The following RUNX2 variants were observed in gnomAD, a reference collection of about 807,000 sequenced individuals.
RUNX2 encodes RUNX family transcription factor 2, also known as runt-related transcription factor 2.
In RUNX2, 10 loss-of-function variants were observed where a neutral mutation model predicts 51.7. The observed-to-expected ratio is 0.19, with a 90% CI of 0.12 to 0.33. The LOEUF is 0.33. RUNX2 is among the 10% of genes least tolerant of loss of function. The pLI, the probability that RUNX2 is intolerant of heterozygous loss-of-function variation, is 1.00. For missense variants in RUNX2, 562 were observed against 691.3 expected (o/e 0.81, Z 2.10); for synonymous variants, 276 against 273.6 (o/e 1.01, Z -0.09).
At chr6:45,330,714 T>G (rs933500075) in intron 2 of RUNX2, among the ~76,000 whole-genome samples, 6 of 151,854 alleles carry the variant, frequency 4.0e-5, no homozygotes, top group African/African-American at 1.5e-4. Flanking sequence ...GGCATGGTAG[T>G]GAACCTTTTT....
chr6:45,452,864 T>C (rs1799213709), intron 5 of RUNX2, among the ~76,000 whole-genome samples: 1 of 152,170 alleles, frequency 6.6e-6, no homozygotes, highest in South Asian at 2.1e-4. Flanking sequence ...AAGCCTATTT[T>C]TCTTTCCTCC....
chr6:45,435,400 C>G (rs935982585), intron 4 of RUNX2, among the ~76,000 whole-genome samples: 1 of 152,200 alleles, frequency 6.6e-6, no homozygotes, highest in Non-Finnish European at 1.5e-5. Context: ...CTCTGCCACC[C>G]AGGCTGGAGT....
intron 2 of RUNX2, among the ~76,000 whole-genome samples, chr6:45,332,179 A>C (rs1006447089): frequency 3.9e-5 from 6 of 151,902 alleles, no homozygotes; most frequent in African/African-American, 1.4e-4. Context: ...ACTGAGGCTG[A>C]GTTAAGACAT....
chr6:45,352,028 T>C (rs1792161163), intron 2 of RUNX2, among the ~76,000 whole-genome samples: 1 of 152,194 alleles, frequency 6.6e-6, no homozygotes, highest in South Asian at 2.1e-4. Flanking sequence ...CCTCAAATCT[T>C]TGCCATCCCA....
intron 5 of RUNX2, among the ~76,000 whole-genome samples, chr6:45,478,356 A>G (rs893698053): frequency 2.0e-5 from 3 of 151,942 alleles, no homozygotes; most frequent in African/African-American, 2.4e-5. Flanking sequence ...GGACATTTTC[A>G]CCTCTTATTA....
intron 5 of RUNX2, among the ~76,000 whole-genome samples, chr6:45,484,687 C>T (rs1367885171): frequency 6.6e-6 from 1 of 152,120 alleles, no homozygotes; most frequent in Non-Finnish European, 1.5e-5. Context: ...GACTGAACTC[C>T]CTAAGATACA....
chr6:45,390,828 A>G (rs11966930), intron 2 of RUNX2, among the ~76,000 whole-genome samples: 5 of 152,342 alleles, frequency 3.3e-5, no homozygotes, highest in African/African-American at 1.2e-4. Flanking sequence ...CTCCCTAAAA[A>G]GATTGGGTTT....
At chr6:45,525,648 G>T (rs1179755932) in intron 7 of RUNX2, among the ~76,000 whole-genome samples, 1 of 152,112 alleles carries the variant, frequency 6.6e-6, no homozygotes, top group Non-Finnish European at 1.5e-5. Flanking sequence ...CTAAATTAAG[G>T]CCTGAAAGGG....
chr6:45,350,939 C>T lies in RUNX2; in HGVS notation c.58+22155C>T, dbSNP rs576593573. ...GAACACTACCACCTCAGCTCTACCT[C>T]GTGTCAGATCAGTAGCAGCATTAGA... On this transcript the variant is annotated intron_variant, in intron 2 of 8. Transcript: ENST00000647337. 4.6e-5 allele frequency among the ~76,000 whole-genome samples: 7 copies of T among 152,278 alleles called. No individual in the cohort carries two copies. The South Asian group carries it at 1.5e-3, about 32-fold the overall frequency.
chr6:45,541,523 C>T (rs918697505), intron 7 of RUNX2, among the ~76,000 whole-genome samples: 4 of 152,138 alleles, frequency 2.6e-5, no homozygotes, highest in African/African-American at 4.8e-5. Context: ...AAACGTCCTT[C>T]GGATTTATTT....
chr6:45,400,838 C>T (rs1797702214), intron 2 of RUNX2, among the ~76,000 whole-genome samples: 1 of 152,130 alleles, frequency 6.6e-6, no homozygotes, highest in Non-Finnish European at 1.5e-5. Context: ...GAATATAATA[C>T]GTTCCTATTT....
chr6:45,385,760 C>A (rs780251599), intron 2 of RUNX2, among the ~76,000 whole-genome samples: 1 of 152,082 alleles, frequency 6.6e-6, no homozygotes, highest in Non-Finnish European at 1.5e-5. Flanking sequence ...ATCAGCTGGG[C>A]ATGGTTGTGC....
chr6:45,423,276 T>G (rs1445302999), intron 3 of RUNX2, among the ~76,000 whole-genome samples: 1 of 152,060 alleles, frequency 6.6e-6, no homozygotes, highest in Admixed American at 6.5e-5. Context: ...GCCGTCTCCC[T>G]TTCCCCCAGG....
intron 2 of RUNX2, among the ~76,000 whole-genome samples, chr6:45,350,969 C>G (rs927750875): frequency 6.6e-6 from 1 of 152,152 alleles, no homozygotes; most frequent in Non-Finnish European, 1.5e-5. Context: ...ATTAGATTCT[C>G]CGACCCTATA....
At chr6:45,503,535 C>T (rs1194274170) in intron 6 of RUNX2, among the ~76,000 whole-genome samples, 2 of 152,134 alleles carry the variant, frequency 1.3e-5, no homozygotes, top group African/African-American at 2.4e-5. Context: ...TACTATGATT[C>T]GAACTAAGGG....
At chr6:45,345,041 C>A (rs1346742158) in intron 2 of RUNX2, among the ~76,000 whole-genome samples, 1 of 152,136 alleles carries the variant, frequency 6.6e-6, no homozygotes, top group Admixed American at 6.6e-5. Flanking sequence ...AAAGGCTGTA[C>A]ATTAAAACGT....
chr6:45,371,437 C>G (rs1796062328), intron 2 of RUNX2, among the ~76,000 whole-genome samples: 1 of 147,208 alleles, frequency 6.8e-6, no homozygotes, highest in Non-Finnish European at 1.5e-5. Flanking sequence ...GACAAGTATT[C>G]TCCCTCTACC....
At chr6:45,364,442 A>G (rs532222957) in intron 2 of RUNX2, among the ~76,000 whole-genome samples, 116 of 152,300 alleles carry the variant, frequency 7.6e-4, no homozygotes, top group Non-Finnish European at 1.3e-3. Flanking sequence ...CTACCTGTTA[A>G]GTCATGAATA....
intron 3 of RUNX2, among the ~76,000 whole-genome samples, chr6:45,431,377 G>C (rs1798537529): frequency 6.6e-6 from 1 of 152,148 alleles, no homozygotes; most frequent in African/African-American, 2.4e-5. Flanking sequence ...GCTCTATGTA[G>C]TGAGGAGCCC....
Sources: gnomAD v4.1 joint callset for allele counts (sites outside exome capture counted in the v4.1 genomes callset) on GRCh38, gnomAD v4.1.1 for gene constraint, MANE v1.5 for transcripts, NCBI Gene and HGNC (gene_info 2026-07-23, HGNC 2026-07-21) for gene names.